The following KCNMA1 variants were observed in gnomAD, a reference collection of about 807,000 sequenced individuals.
KCNMA1 encodes the protein Calcium-activated potassium channel subunit alpha-1.
A neutral mutation model predicts 140.0 loss-of-function variants in KCNMA1; 29 were observed. That is an observed-to-expected ratio of 0.21 (90% confidence interval 0.15 to 0.28). KCNMA1 has a LOEUF of 0.28. KCNMA1 is among the 10% of genes least tolerant of loss of function. The pLI, the probability that KCNMA1 is intolerant of heterozygous loss-of-function variation, is 1.00. For missense variants in KCNMA1, 880 were observed against 1,602.2 expected (o/e 0.55, Z 7.70); for synonymous variants, 612 against 611.9 (o/e 1.00, Z 0.00).
chr10:76,898,290 A>G (rs2043498295), intron 25 of KCNMA1, among the ~76,000 whole-genome samples: 1 of 151,966 alleles, frequency 6.6e-6, no homozygotes, highest in Non-Finnish European at 1.5e-5. Context: ...TAGTTGACAC[A>G]ATAAAGCTAT....
chr10:77,440,692 G>A (rs1367454077), intron 1 of KCNMA1, among the ~76,000 whole-genome samples: 1 of 152,228 alleles, frequency 6.6e-6, no homozygotes, highest in Admixed American at 6.5e-5. Context: ...CCCCTCTACC[G>A]TGAGCTCATT....
chr10:77,603,180 CT>C (rs2083233452), intron 1 of KCNMA1, among the ~76,000 whole-genome samples: 1 of 152,232 alleles, frequency 6.6e-6, no homozygotes, highest in Non-Finnish European at 1.5e-5. Flanking sequence ...CACATCCCCC[CT>C]GGTGCCCTCA....
intron 2 of KCNMA1, among the ~76,000 whole-genome samples, chr10:77,313,624 A>G (rs971482956): frequency 1.3e-5 from 2 of 152,308 alleles, no homozygotes; most frequent in East Asian, 3.9e-4. Flanking sequence ...TGGCAACCCC[A>G]GGAAACCTAA....
At chr10:77,231,769 T>C (rs2053680983) in intron 3 of KCNMA1, among the ~76,000 whole-genome samples, 1 of 152,226 alleles carries the variant, frequency 6.6e-6, no homozygotes, top group African/African-American at 2.4e-5. Context: ...CTTTTGTCTT[T>C]CCCTGAACTC....
rs528546008 is a variant in KCNMA1 at position 77,417,085 on chromosome 10, G to A, written c.379-13062C>T. Among the ~76,000 whole-genome samples, 8 of 152,154 alleles carry A rather than the reference G, an allele frequency of 5.3e-5. No individual in the cohort carries two copies. In the South Asian group the frequency reaches 1.0e-3, roughly 20 times the overall value. On this transcript the variant is annotated intron_variant, in intron 1 of 27. Transcript: ENST00000286628. ...TCCGTGCTGGCTGTTCCCACTCCTG[G>A]GATGCTCTCCCCATTGCTCCCCAAC...
intron 1 of KCNMA1, among the ~76,000 whole-genome samples, chr10:77,622,361 G>A (rs544775451): frequency 6.6e-6 from 1 of 152,242 alleles, no homozygotes; most frequent in South Asian, 2.1e-4. Flanking sequence ...AGCTAAGGAG[G>A]TATAAATGAG....
intron 1 of KCNMA1, among the ~76,000 whole-genome samples, chr10:77,511,360 G>A (rs1269005665): frequency 6.6e-6 from 1 of 152,218 alleles, no homozygotes; most frequent in Non-Finnish European, 1.5e-5. Context: ...AAGAAATCAA[G>A]TATAATTCAG....
intron 19 of KCNMA1, among the ~76,000 whole-genome samples, chr10:76,990,418 G>T (rs972398229): frequency 5.9e-5 from 9 of 152,170 alleles, no homozygotes; most frequent in Non-Finnish European, 1.2e-4. Flanking sequence ...GAGGGGAATG[G>T]CATCAGAATC....
At chr10:77,125,583 G>A (rs1051859499) in intron 5 of KCNMA1, among the ~76,000 whole-genome samples, 4 of 152,104 alleles carry the variant, frequency 2.6e-5, no homozygotes, top group Admixed American at 6.5e-5. Context: ...CACACCACCC[G>A]TGCAACTCCC....
chr10:76,897,011 TACACACACACACAC>T (rs3067677), intron 25 of KCNMA1, among the ~76,000 whole-genome samples: 1 of 142,718 alleles, frequency 7.0e-6, no homozygotes, highest in Non-Finnish European at 1.5e-5. Flanking sequence ...AGGTGAAAAT[TACACACACACACAC>T]ACACACACAC....
intron 1 of KCNMA1, among the ~76,000 whole-genome samples, chr10:77,603,016 C>T (rs1603638229): frequency 6.6e-6 from 1 of 152,242 alleles, no homozygotes; most frequent in East Asian, 1.9e-4. Flanking sequence ...GCTGCAAGTC[C>T]AACAGCTGAC....
At chr10:77,590,320 C>T (rs1007678867) in intron 1 of KCNMA1, among the ~76,000 whole-genome samples, 3 of 152,198 alleles carry the variant, frequency 2.0e-5, no homozygotes, top group Non-Finnish European at 2.9e-5. Flanking sequence ...GACTGGGCGC[C>T]GTGGAGCAGG....
chr10:77,350,569 A>C (rs1055228004), intron 2 of KCNMA1: 3 of 152,218 alleles, frequency 2.0e-5, no homozygotes, highest in African/African-American at 7.2e-5. Flanking sequence ...AAAAATTCTA[A>C]TGTGGCCAAA....
chr10:77,007,675 A>ATATATATATATATATATATATG (rs1401952250), intron 18 of KCNMA1, among the ~76,000 whole-genome samples: 3 of 144,328 alleles, frequency 2.1e-5, no homozygotes, highest in African/African-American at 5.1e-5. Flanking sequence ...ATATATATAT[A>ATATATATATATATATATATATG]TGTATCACAA....
intron 1 of KCNMA1, among the ~76,000 whole-genome samples, chr10:77,501,016 A>G (rs1410743714): frequency 6.6e-6 from 1 of 152,226 alleles, no homozygotes; most frequent in African/African-American, 2.4e-5. Flanking sequence ...GAGTGGGGCC[A>G]AGCCCTCCAG....
chr10:77,400,958 T>G (rs918264737), intron 2 of KCNMA1, among the ~76,000 whole-genome samples: 1 of 151,624 alleles, frequency 6.6e-6, no homozygotes, highest in Non-Finnish European at 1.5e-5. Flanking sequence ...TTGGTGTCAG[T>G]GCAGACCGTG....
intron 1 of KCNMA1, among the ~76,000 whole-genome samples, chr10:77,439,089 AG>A (rs1170383617): frequency 1.4e-5 from 1 of 69,978 alleles, no homozygotes; most frequent in African/African-American, 5.8e-5. Context: ...AGAAAAGAAA[AG>A]AGAAGAGAAG....
intron 2 of KCNMA1, among the ~76,000 whole-genome samples, chr10:77,333,164 G>A (rs1391253661): frequency 2.0e-5 from 3 of 152,156 alleles, no homozygotes; most frequent in Non-Finnish European, 4.4e-5. Flanking sequence ...AGAGCAGGAT[G>A]TGAGTCCTAT....
intron 1 of KCNMA1, among the ~76,000 whole-genome samples, chr10:77,630,818 T>C (rs968182722): frequency 5.3e-5 from 8 of 151,886 alleles, no homozygotes; most frequent in Non-Finnish European, 5.9e-5. Context: ...ATATTAAAGT[T>C]TGACTAAGCC....
Sources: gnomAD v4.1 joint callset for allele counts (sites outside exome capture counted in the v4.1 genomes callset) on GRCh38, gnomAD v4.1.1 for gene constraint, MANE v1.5 for transcripts, NCBI Gene and HGNC (gene_info 2026-07-23, HGNC 2026-07-21) for gene names.